EPN2: variants seen among roughly 807,000 people sequenced by gnomAD.
EPN2 encodes the protein epsin 2, also known as epsin-2.
In EPN2, 34 loss-of-function variants were observed where a neutral mutation model predicts 61.7. That is an observed-to-expected ratio of 0.55 (90% CI 0.42 to 0.73). The LOEUF (loss-of-function observed/expected upper bound fraction) is 0.73. EPN2 is among the 30% of genes least tolerant of loss of function. The pLI is 0.00. For synonymous variants in EPN2, 349 were observed against 353.6 expected (o/e 0.99, Z 0.15); for missense variants, 714 against 839.2 (o/e 0.85, Z 1.84).
intron 9 of EPN2, 100 bp from the exon 10 acceptor site, chr17:19,331,753 C>A (rs2152240781): frequency 9.9e-7 from 1 of 1,007,448 alleles, no homozygotes; most frequent in South Asian, 1.4e-5. Context: ...GTGGCGCTGT[C>A]AGGCAGGCAT....
intron 1 of EPN2, chr17:19,257,863 G>T (rs1447789216): frequency 6.6e-6 from 1 of 152,140 alleles, no homozygotes; most frequent in African/African-American, 2.4e-5. Context: ...GTCCTCAGGG[G>T]TCTTTATGAC....
At chr17:19,252,047 AGTTTTCCACTT>A (rs2045021382) in intron 1 of EPN2, among the ~76,000 whole-genome samples, 2 of 152,172 alleles carry the variant, frequency 1.3e-5, no homozygotes, top group South Asian at 4.1e-4. Flanking sequence ...TCAGGTGTGG[AGTTTTCCACTT>A]GTGGTATCAT....
chr17:19,305,281 C>G (rs1361931269), intron 4 of EPN2, among the ~76,000 whole-genome samples: 1 of 152,046 alleles, frequency 6.6e-6, no homozygotes, highest in African/African-American at 2.4e-5. Flanking sequence ...GCCACCACAC[C>G]CAGCTAAATT....
At chr17:19,245,263 G>A (rs2044932475) in intron 1 of EPN2, among the ~76,000 whole-genome samples, 1 of 152,182 alleles carries the variant, frequency 6.6e-6, no homozygotes, top group Non-Finnish European at 1.5e-5. Flanking sequence ...GCAGAGCTGT[G>A]TTAAAATAAT....
At chr17:19,319,250 A>G (rs1906535168) in intron 7 of EPN2, among the ~76,000 whole-genome samples, 1 of 152,168 alleles carries the variant, frequency 6.6e-6, no homozygotes. Flanking sequence ...TCTTAAAGAT[A>G]TAAACCTATT....
chr17:19,314,005 G>C (rs755996008), intron 7 of EPN2, among the ~76,000 whole-genome samples: 1 of 152,182 alleles, frequency 6.6e-6, no homozygotes, highest in African/African-American at 2.4e-5. Context: ...CCTGTGGGCT[G>C]TTTGGGAACT....
At chr17:19,265,692 C>G (rs1272354960) in intron 1 of EPN2, among the ~76,000 whole-genome samples, 4 of 152,184 alleles carry the variant, frequency 2.6e-5, no homozygotes, top group African/African-American at 9.7e-5. Context: ...CTGAGATGAA[C>G]ATGTTGGCCA....
intron 7 of EPN2, among the ~76,000 whole-genome samples, chr17:19,323,815 T>A (rs554810542): frequency 6.6e-6 from 1 of 152,256 alleles, no homozygotes; most frequent in African/African-American, 2.4e-5. Flanking sequence ...GAAAGTGTTC[T>A]TGAAGAGTAA....
At position 19,313,190 on chromosome 17, in the gene EPN2, C is replaced by A; in HGVS notation, c.1058C>A (p.Pro353His). The change falls in exon 7 of 11, where the codon CCC becomes CAC. Residue 353 changes from proline (P) to histidine (H), a missense_variant. Around this residue, in one of 2 missense-constraint regions of EPN2, gnomAD observed 410 missense variants for 421.8 expected, o/e 0.97. Transcript: ENST00000314728. The stretch of plus-strand genomic sequence containing the variant: ...GGCCCCGCGGCCCAGAAAGCAGAGC[C>A]CTGGGGCCCGTCAGCCTCCACTAAC... ...SSGPAAQKAE[P>H]WGPSASTNQT... is the part of the protein sequence containing the mutation. 1 of 1,612,860 alleles carries A rather than the reference C, an allele frequency of 6.2e-7. No individual in the cohort carries two copies. The highest frequency in any genetic ancestry group is 8.5e-7 in the Non-Finnish European group (1 of 1,179,498).
intron 1 of EPN2, among the ~76,000 whole-genome samples, chr17:19,241,605 A>G (rs2044885476): frequency 6.6e-6 from 1 of 151,918 alleles, no homozygotes; most frequent in Admixed American, 6.6e-5. Context: ...AAAAAAAAAA[A>G]ATTGACAAAC....
intron 7 of EPN2, among the ~76,000 whole-genome samples, chr17:19,319,632 CTTT>C (rs1194160621): frequency 6.8e-6 from 1 of 147,758 alleles, no homozygotes; most frequent in African/African-American, 2.5e-5. Context: ...CGCCTGGCCC[CTTT>C]TTTTTTTATT....
At chr17:19,265,386 A>AT (rs1201595813) in intron 1 of EPN2, among the ~76,000 whole-genome samples, 1 of 151,658 alleles carries the variant, frequency 6.6e-6, no homozygotes, top group Admixed American at 6.6e-5. Flanking sequence ...AGGAAAAAAA[A>AT]AAAAAAGAAC....
At chr17:19,302,083 A>G (rs981003430) in intron 4 of EPN2, among the ~76,000 whole-genome samples, 2 of 152,186 alleles carry the variant, frequency 1.3e-5, no homozygotes, top group African/African-American at 2.4e-5. Context: ...GGTAATGAAG[A>G]GCCAGACCTT....
chr17:19,262,900 A>G (rs1422531587), intron 1 of EPN2, among the ~76,000 whole-genome samples: 3 of 152,342 alleles, frequency 2.0e-5, no homozygotes, highest in South Asian at 2.1e-4. Flanking sequence ...GTTCATCCAT[A>G]TGGTAGAATG....
intron 4 of EPN2, among the ~76,000 whole-genome samples, chr17:19,289,198 C>A (rs1187080471): frequency 6.7e-6 from 1 of 150,054 alleles, no homozygotes; most frequent in Non-Finnish European, 1.5e-5. Flanking sequence ...CATTCTCCTG[C>A]CTCAGCCTCC....
At chr17:19,257,657 A>G (rs931212286) in intron 1 of EPN2, among the ~76,000 whole-genome samples, 1 of 151,726 alleles carries the variant, frequency 6.6e-6, no homozygotes, top group South Asian at 2.1e-4. Flanking sequence ...AGCTGGGACT[A>G]CAGGCATGTG....
At chr17:19,317,358 A>G (rs561896094) in intron 7 of EPN2, among the ~76,000 whole-genome samples, 2 of 152,346 alleles carry the variant, frequency 1.3e-5, no homozygotes, top group African/African-American at 4.8e-5. Context: ...CTGCTGATTC[A>G]GAAGACCTTG....
At chr17:19,271,819 A>G (rs2045257067) in intron 1 of EPN2, 1 of 152,312 alleles carries the variant, frequency 6.6e-6, no homozygotes, top group Non-Finnish European at 1.5e-5. Context: ...TTCCTTGGCC[A>G]GCATCTGGAG....
In EPN2 at chr17:19,254,787, C is replaced by T. The variant is rs541921785; in HGVS notation, c.-294+17256C>T. 1.9e-4 allele frequency among the ~76,000 whole-genome samples: 29 copies of T among 152,216 alleles called. No homozygotes were observed. The South Asian group carries it at 5.4e-3, about 28-fold the overall frequency. On this transcript the variant is annotated intron_variant, in intron 1 of 10. Coordinates refer to ENST00000314728, the MANE Select transcript of EPN2 (RefSeq NM_014964.5). ...GGGACTTTTCCCCACTCCTGAGTTA[C>T]AGGGACAGACTTCTGTTTTCATGAG...
Sources: allele counts gnomAD v4.1 joint callset (sites outside exome capture counted in the v4.1 genomes callset), GRCh38; gene constraint gnomAD v4.1.1; regional missense constraint gnomAD v4.1.1; transcripts MANE v1.5; gene names NCBI Gene and HGNC (gene_info 2026-07-23, HGNC 2026-07-21).